LDB2: variants seen among roughly 807,000 people sequenced by gnomAD.
The protein encoded by LDB2 is LIM domain binding 2.
In LDB2, 12 loss-of-function variants were observed where a neutral mutation model predicts 44.3. That is an observed-to-expected ratio of 0.27 (90% CI 0.17 to 0.44). The LOEUF is 0.44. LDB2 is among the 20% of genes least tolerant of loss of function. The pLI is 1.00. For missense variants in LDB2, 344 were observed against 473.5 expected (o/e 0.73, Z 2.54); for synonymous variants, 164 against 174.8 (o/e 0.94, Z 0.49).
intron 2 of LDB2, among the ~76,000 whole-genome samples, chr4:16,645,343 T>C (rs990390348): frequency 2.0e-5 from 3 of 151,290 alleles, no homozygotes; most frequent in African/African-American, 7.3e-5. Flanking sequence ...GAGACCATCC[T>C]GGCTAACAAG....
At chr4:16,620,310 C>T (rs765670094) in intron 2 of LDB2, among the ~76,000 whole-genome samples, 1 of 152,100 alleles carries the variant, frequency 6.6e-6, no homozygotes, top group African/African-American at 2.4e-5. Context: ...AAGGATGATC[C>T]TAAATGTAAG....
intron 5 of LDB2, among the ~76,000 whole-genome samples, chr4:16,560,672 A>G (rs1741781812): frequency 1.3e-5 from 2 of 152,208 alleles, no homozygotes; most frequent in African/African-American, 4.8e-5. Flanking sequence ...TTCTGAAACT[A>G]TTCCAATCAA....
intron 5 of LDB2, among the ~76,000 whole-genome samples, chr4:16,518,354 C>G (rs866616885): frequency 3.3e-5 from 5 of 152,190 alleles, no homozygotes; most frequent in South Asian, 2.1e-4. Flanking sequence ...AATCTAGGCT[C>G]TGTCTACCAT....
chr4:16,605,641 T>C (rs976480888), intron 2 of LDB2, among the ~76,000 whole-genome samples: 1 of 152,182 alleles, frequency 6.6e-6, no homozygotes, highest in African/African-American at 2.4e-5. Context: ...AATGGACACT[T>C]CCATTGTTTT....
At chr4:16,749,764 T>C (rs1349041390) in intron 2 of LDB2, among the ~76,000 whole-genome samples, 2 of 151,998 alleles carry the variant, frequency 1.3e-5, no homozygotes, top group Admixed American at 1.3e-4. Flanking sequence ...TATTCAGACA[T>C]CATGGGTCAC....
intron 1 of LDB2, among the ~76,000 whole-genome samples, chr4:16,822,030 C>T (rs1670528601): frequency 1.3e-5 from 2 of 151,840 alleles, no homozygotes; most frequent in Admixed American, 1.3e-4. Flanking sequence ...AGACTCATAT[C>T]TTAGCTCTGC....
chr4:16,822,920 C>T (rs1163254000), intron 1 of LDB2, among the ~76,000 whole-genome samples: 1 of 152,138 alleles, frequency 6.6e-6, no homozygotes, highest in African/African-American at 2.4e-5. Context: ...TTGCAGGACC[C>T]CAATTAAGCA....
At chr4:16,842,429 A>T (rs1786062707) in intron 1 of LDB2, among the ~76,000 whole-genome samples, 1 of 148,818 alleles carries the variant, frequency 6.7e-6, no homozygotes. Flanking sequence ...TCTGTAAATT[A>T]AAAAAAAAAT....
At chr4:16,791,910 C>A (rs1775837549) in intron 1 of LDB2, among the ~76,000 whole-genome samples, 1 of 152,136 alleles carries the variant, frequency 6.6e-6, no homozygotes, top group African/African-American at 2.4e-5. Flanking sequence ...AATGGTGGTA[C>A]CTATTTACAT....
intron 5 of LDB2, among the ~76,000 whole-genome samples, chr4:16,538,893 C>A (rs549301613): frequency 2.6e-5 from 4 of 152,186 alleles, no homozygotes; most frequent in African/African-American, 2.4e-5. Context: ...GATGAGGAAA[C>A]CGTGGCAAAA....
At chr4:16,505,765 T>C in intron 7 of LDB2, 1 of 1,437,592 alleles carries the variant, frequency 7.0e-7, no homozygotes, top group Non-Finnish European at 9.3e-7. Context: ...TGCTCCTTGC[T>C]GGAAGCCCGG....
chr4:16,820,060 A>G (rs1308423582), intron 1 of LDB2, among the ~76,000 whole-genome samples: 2 of 152,352 alleles, frequency 1.3e-5, no homozygotes, highest in Admixed American at 6.5e-5. Flanking sequence ...GCAAAATATT[A>G]ATTTCTAAAA....
chr4:16,629,753 G>A (rs1055301400), intron 2 of LDB2, among the ~76,000 whole-genome samples: 9 of 151,988 alleles, frequency 5.9e-5, no homozygotes. Flanking sequence ...ATGACCTGGT[G>A]GAGCTGAAAA....
intron 5 of LDB2, among the ~76,000 whole-genome samples, chr4:16,543,222 G>C (rs368063474): frequency 6.6e-6 from 1 of 152,034 alleles, no homozygotes; most frequent in Non-Finnish European, 1.5e-5. Context: ...GAATAGTGCC[G>C]CAATAAACAT....
chr4:16,641,971 CTT>C (rs2152511015), intron 2 of LDB2, among the ~76,000 whole-genome samples: 1 of 152,128 alleles, frequency 6.6e-6, no homozygotes, highest in South Asian at 2.1e-4. Flanking sequence ...GGGGGCATGA[CTT>C]AGTATAAAGA....
chr4:16,529,267 A>G (rs1276982960), intron 5 of LDB2, among the ~76,000 whole-genome samples: 2 of 152,144 alleles, frequency 1.3e-5, no homozygotes, highest in South Asian at 2.1e-4. Context: ...TTTTATGCCC[A>G]TGCTTGGGAA....
At chr4:16,613,500 C>T (rs143497426) in intron 2 of LDB2, among the ~76,000 whole-genome samples, 1 of 152,240 alleles carries the variant, frequency 6.6e-6, no homozygotes, top group African/African-American at 2.4e-5. Context: ...GCCTACTATG[C>T]ATTTATATTC....
At chr4:16,616,976 C>T (rs1246428187) in intron 2 of LDB2, among the ~76,000 whole-genome samples, 1 of 152,168 alleles carries the variant, frequency 6.6e-6, no homozygotes, top group East Asian at 1.9e-4. Context: ...TTATCCTACT[C>T]TTTATCCCTC....
Position 16,734,951 on chromosome 4 carries a change from C to T in LDB2, c.235+24207G>A, listed in dbSNP as rs141683693. ...CTCGAACTCCTGACCTCAGGTGATC[C>T]ACCCGCCTCTGCCTCCCAAAGTGCT... On this transcript the variant is annotated intron_variant, in intron 2 of 7. Coordinates refer to ENST00000304523, the MANE Select transcript of LDB2 (RefSeq NM_001290.5). Among the ~76,000 whole-genome samples, 315 of 152,084 alleles carry T rather than the reference C, an allele frequency of 2.1e-3. 2 individuals carry two copies. The highest frequency in any genetic ancestry group is 7.1e-3 in the African/African-American group (293 of 41,494).
Sources: gnomAD v4.1 joint callset for allele counts (sites outside exome capture counted in the v4.1 genomes callset) on GRCh38, gnomAD v4.1.1 for gene constraint, MANE v1.5 for transcripts, NCBI Gene and HGNC (gene_info 2026-07-23, HGNC 2026-07-21) for gene names.